ABCA13: variants seen among roughly 807,000 people sequenced by gnomAD.
The protein encoded by ABCA13 is ATP-binding cassette sub-family A member 13.
Under a neutral mutation model 478.7 loss-of-function variants are expected in ABCA13, and 476 were observed. That is an observed-to-expected ratio of 0.99 (90% CI 0.92 to 1.07). ABCA13 has a LOEUF of 1.07. ABCA13 is among the 50% of genes least tolerant of loss of function. ABCA13 has a pLI of 0.00. For missense variants in ABCA13, 6,060 were observed against 5,910.6 expected, an observed-to-expected ratio of 1.03 and a Z score of -0.83; for synonymous variants, 2,252 against 2,158.9, an observed-to-expected ratio of 1.04 and a Z score of -1.20.
At chr7:48,517,471 A>G (rs1029437061) in intron 52 of ABCA13, among the ~76,000 whole-genome samples, 1 of 152,070 alleles carries the variant, frequency 6.6e-6, no homozygotes, top group Non-Finnish European at 1.5e-5. Flanking sequence ...TGTGAGGTCA[A>G]CGCCACTCTC....
chr7:48,217,818 T>G (rs1786716776), intron 3 of ABCA13, among the ~76,000 whole-genome samples: 1 of 152,156 alleles, frequency 6.6e-6, no homozygotes, highest in African/African-American at 2.4e-5. Context: ...CCAGTGGCCT[T>G]CTCTTGATCT....
At chr7:48,223,525 G>A (rs1307908333) in intron 5 of ABCA13, among the ~76,000 whole-genome samples, 1 of 152,146 alleles carries the variant, frequency 6.6e-6, no homozygotes, top group Non-Finnish European at 1.5e-5. Context: ...ATTGTCTCAA[G>A]TGTGGCTGAT....
Position 48,303,129 on chromosome 7 carries a change from A to G in ABCA13, c.9321+4642A>G, listed in dbSNP as rs574602543. Among the ~76,000 whole-genome samples, 33 of 152,108 alleles carry G rather than the reference A, an allele frequency of 2.2e-4. No homozygotes were observed. In the South Asian group the frequency reaches 4.8e-3, roughly 22 times the overall value. ...TTTCATATGCTTGTTGGCTGCATGTATGTTTTCTTCTGAAAAGTGTCTGTT... is the reference window on the plus strand; with the variant it reads ...TTTCATATGCTTGTTGGCTGCATGTGTGTTTTCTTCTGAAAAGTGTCTGTT... On this transcript the variant is annotated intron_variant, in intron 23 of 61. Coordinates refer to ENST00000435803, the MANE Select transcript of ABCA13 (RefSeq NM_152701.5).
chr7:48,374,943 T>A (rs1813225459), intron 34 of ABCA13, among the ~76,000 whole-genome samples: 1 of 152,132 alleles, frequency 6.6e-6, no homozygotes, highest in South Asian at 2.1e-4. Context: ...TAGATTCTCA[T>A]AGGAGCCTGA....
At chr7:48,260,379 C>T (rs73341750) in intron 15 of ABCA13, among the ~76,000 whole-genome samples, 4,512 of 152,102 alleles carry the variant, frequency 0.03, 219 homozygotes, top group African/African-American at 0.1. Context: ...TGAGAAATCT[C>T]CAAACTGTTT....
intron 51 of ABCA13, among the ~76,000 whole-genome samples, chr7:48,514,560 A>T (rs990598930): frequency 6.6e-6 from 1 of 152,216 alleles, no homozygotes; most frequent in African/African-American, 2.4e-5. Context: ...TTGGCTCACA[A>T]ACTTCTACTA....
chr7:48,534,815 G>A (rs909364628), intron 55 of ABCA13, among the ~76,000 whole-genome samples: 6 of 152,126 alleles, frequency 3.9e-5, no homozygotes, highest in African/African-American at 1.4e-4. Context: ...ACTTTCCAGT[G>A]CGTGTTGCAT....
chr7:48,524,129 G>A, intron 53 of ABCA13, 119 bp from the exon 54 acceptor site: 1 of 884,386 alleles, frequency 1.1e-6, no homozygotes, highest in Non-Finnish European at 1.7e-6. Context: ...AAAGCTGACT[G>A]CCCAGAAGTC....
intron 59 of ABCA13, among the ~76,000 whole-genome samples, chr7:48,616,677 G>T (rs1455408507): frequency 6.6e-6 from 1 of 152,098 alleles, no homozygotes; most frequent in Non-Finnish European, 1.5e-5. Flanking sequence ...TATTAAACAA[G>T]AAATGGCTTG....
chr7:48,237,660 G>T (rs1790170386), intron 8 of ABCA13, among the ~76,000 whole-genome samples: 1 of 152,194 alleles, frequency 6.6e-6, no homozygotes, highest in African/African-American at 2.4e-5. Context: ...CTCTGGGCCT[G>T]CTGGGGGCCT....
At chr7:48,570,652 CTT>C (rs1252372421) in intron 55 of ABCA13, among the ~76,000 whole-genome samples, 1 of 151,812 alleles carries the variant, frequency 6.6e-6, no homozygotes, top group African/African-American at 2.4e-5. Context: ...CTATTTGTGA[CTT>C]TGATTCTAAA....
intron 48 of ABCA13, among the ~76,000 whole-genome samples, chr7:48,504,599 A>G (rs1831043548): frequency 6.6e-6 from 1 of 152,176 alleles, no homozygotes; most frequent in Non-Finnish European, 1.5e-5. Flanking sequence ...TCCTCAAATA[A>G]TATAATTCCA....
chr7:48,586,389 C>A (rs1789180680), intron 56 of ABCA13, among the ~76,000 whole-genome samples: 1 of 152,086 alleles, frequency 6.6e-6, no homozygotes, highest in African/African-American at 2.4e-5. Flanking sequence ...ATTGAAAATT[C>A]CCTCCAGCCA....
intron 3 of ABCA13, among the ~76,000 whole-genome samples, chr7:48,202,168 G>GC (rs879486890): frequency 2.2e-3 from 334 of 152,282 alleles, no homozygotes; most frequent in Non-Finnish European, 4.2e-3. Flanking sequence ...AGTGGAAGGG[G>GC]ACCCTAGTGG....
At chr7:48,230,053 T>G in intron 7 of ABCA13, 98 bp downstream of exon 7, 1 of 1,334,786 alleles carries the variant, frequency 7.5e-7, no homozygotes, top group Non-Finnish European at 9.9e-7. Flanking sequence ...CAAAATGATT[T>G]AATTAAAATT....
At chr7:48,218,195 A>G (rs1174218533) in intron 3 of ABCA13, among the ~76,000 whole-genome samples, 2 of 152,256 alleles carry the variant, frequency 1.3e-5, no homozygotes, top group Non-Finnish European at 2.9e-5. Flanking sequence ...CTTGAATTAC[A>G]TCAGTTTCTA....
chr7:48,290,468 C>T (rs1022953220), intron 20 of ABCA13, among the ~76,000 whole-genome samples: 6 of 152,130 alleles, frequency 3.9e-5, no homozygotes, highest in Non-Finnish European at 7.3e-5. Flanking sequence ...TCAACTTTGG[C>T]CTAGATGCCT....
intron 8 of ABCA13, among the ~76,000 whole-genome samples, chr7:48,235,423 G>A (rs547944508): frequency 6.6e-6 from 1 of 152,276 alleles, no homozygotes; most frequent in South Asian, 2.1e-4. Context: ...ATTGAGATTA[G>A]AATTAAAAGG....
chr7:48,321,788 A>G (rs1033226774), intron 27 of ABCA13, among the ~76,000 whole-genome samples: 5 of 152,172 alleles, frequency 3.3e-5, no homozygotes, highest in African/African-American at 1.2e-4. Context: ...GGAAGCAGCA[A>G]GGGAGAAGGC....
Sources: allele counts gnomAD v4.1 joint callset (sites outside exome capture counted in the v4.1 genomes callset), GRCh38; gene constraint gnomAD v4.1.1; transcripts MANE v1.5; gene names NCBI Gene and HGNC (gene_info 2026-07-23, HGNC 2026-07-21).